Variants in CNTNAP2 observed in about 807,000 individuals in gnomAD.
The protein encoded by CNTNAP2 is contactin-associated protein-like 2.
CNTNAP2 carries 98 observed loss-of-function variants against 155.2 expected under a neutral mutation model. That is an observed-to-expected ratio of 0.63 (90% confidence interval 0.54 to 0.75). The LOEUF (loss-of-function observed/expected upper bound fraction) is 0.75. CNTNAP2 is among the 30% of genes least tolerant of loss of function. CNTNAP2 has a pLI of 0.00. For missense variants in CNTNAP2, 1,727 were observed against 1,688.1 expected (o/e 1.02, Z -0.40); for synonymous variants, 651 against 631.2 (o/e 1.03, Z -0.47).
At chr7:146,486,401 C>A (rs1457976021) in intron 1 of CNTNAP2, among the ~76,000 whole-genome samples, 1 of 152,060 alleles carries the variant, frequency 6.6e-6, no homozygotes, top group African/African-American at 2.4e-5. Flanking sequence ...ATCTGCTTTG[C>A]TCTAAGAAAT....
intron 4 of CNTNAP2, among the ~76,000 whole-genome samples, chr7:147,070,167 T>C (rs1799862810): frequency 6.6e-6 from 1 of 152,240 alleles, no homozygotes; most frequent in Admixed American, 6.5e-5. Flanking sequence ...CAATTTTATG[T>C]GCTTTGTTTT....
intron 3 of CNTNAP2, among the ~76,000 whole-genome samples, chr7:146,874,621 G>A (rs1795383526): frequency 1.3e-5 from 2 of 152,154 alleles, no homozygotes; most frequent in Admixed American, 1.3e-4. Flanking sequence ...TTACAGGCGT[G>A]AGCCACCACA....
rs111863035 is a variant in CNTNAP2, at chr7:146,657,746, C to A, written c.98-116525C>A. ...GCAGGGACTTCCATGAACCATATAT[C>A]CATTGTAGCAATGATCTTCATTGTC... On this transcript the variant is annotated intron_variant, in intron 1 of 23. Coordinates refer to ENST00000361727, the MANE Select transcript of CNTNAP2 (RefSeq NM_014141.6). 4.3e-3 allele frequency among the ~76,000 whole-genome samples: 661 copies of A among 152,154 alleles called. 4 individuals are homozygous for A. The highest frequency in any genetic ancestry group is 0.015 in the African/African-American group (617 of 41,520).
At chr7:146,364,147 T>A (rs2129101400) in intron 1 of CNTNAP2, among the ~76,000 whole-genome samples, 1 of 152,338 alleles carries the variant, frequency 6.6e-6, no homozygotes, top group East Asian at 1.9e-4. Flanking sequence ...AAATTTTAAA[T>A]CATTATTATT....
chr7:148,278,506 C>T (rs1272971894), intron 21 of CNTNAP2, among the ~76,000 whole-genome samples: 1 of 142,622 alleles, frequency 7.0e-6, no homozygotes, highest in African/African-American at 2.6e-5. Context: ...GGAGGTGGAG[C>T]TTGCAGTAAG....
At chr7:148,310,630 A>AT (rs1797579445) in intron 21 of CNTNAP2, among the ~76,000 whole-genome samples, 1 of 152,162 alleles carries the variant, frequency 6.6e-6, no homozygotes, top group Admixed American at 6.5e-5. Flanking sequence ...TGCAAATTGA[A>AT]TTTTGGGGGT....
In CNTNAP2 at chr7:147,949,071, G is replaced by A. The variant is rs557472073; in HGVS notation, c.2256-28791G>A. Among the ~76,000 whole-genome samples the A allele has an allele frequency of 1.2e-3, 175 of 151,634 alleles. 1 individual carries two copies. The highest frequency in any genetic ancestry group is 1.4e-3 in the Non-Finnish European group (95 of 67,872). On this transcript the variant is annotated intron_variant, in intron 14 of 23. Transcript: ENST00000361727. ...ACAAAATTAGCTGGGTGTGGTGGTG[G>A]ATGCCTGTAATCCCAGCTACTCAGG...
At chr7:147,934,396 G>C (rs1345510734) in intron 14 of CNTNAP2, among the ~76,000 whole-genome samples, 3 of 152,046 alleles carry the variant, frequency 2.0e-5, no homozygotes, top group Non-Finnish European at 4.4e-5. Context: ...CTTGTGCAGG[G>C]GAACTCCTCC....
intron 12 of CNTNAP2, among the ~76,000 whole-genome samples, chr7:147,564,992 A>T (rs10269376): frequency 0.45 from 68,083 of 152,062 alleles, 15,452 homozygotes; most frequent in East Asian, 0.61. Flanking sequence ...TTAACATCAT[A>T]AAGAGAGCAT....
intron 1 of CNTNAP2, among the ~76,000 whole-genome samples, chr7:146,306,787 C>A (rs994421359): frequency 6.6e-6 from 1 of 152,212 alleles, no homozygotes; most frequent in Non-Finnish European, 1.5e-5. Context: ...AACATCCCTT[C>A]ATGCTAAAAG....
Position 147,285,946 on chromosome 7 carries a change from C to T in CNTNAP2, c.1349-14195C>T, listed in dbSNP as rs115187070. On this transcript the variant is annotated intron_variant, in intron 8 of 23. Coordinates refer to ENST00000361727, the MANE Select transcript of CNTNAP2 (RefSeq NM_014141.6). ...TCCCCATTTATTTTTATTTATTCTT[C>T]CAAAGCTATGTAACTCTGATTTGTA... 8.9e-3 allele frequency among the ~76,000 whole-genome samples: 1,359 copies of T among 152,120 alleles called. 19 individuals are homozygous for T. Among genetic ancestry groups the T allele is most frequent in the African/African-American group, 0.031 (1,276 of 41,530 alleles).
intron 13 of CNTNAP2, among the ~76,000 whole-genome samples, chr7:147,825,659 T>C (rs994442212): frequency 3.3e-5 from 5 of 152,162 alleles, no homozygotes; most frequent in African/African-American, 1.2e-4. Context: ...GGATAATATC[T>C]TTCACAAAAT....
intron 13 of CNTNAP2, among the ~76,000 whole-genome samples, chr7:147,797,889 G>A (rs1797924493): frequency 6.6e-6 from 1 of 152,098 alleles, no homozygotes; most frequent in East Asian, 1.9e-4. Flanking sequence ...AACATAAACT[G>A]AAGAATATGG....
intron 1 of CNTNAP2, among the ~76,000 whole-genome samples, chr7:146,299,375 A>T (rs1028822913): frequency 6.6e-6 from 1 of 152,156 alleles, no homozygotes; most frequent in Non-Finnish European, 1.5e-5. Flanking sequence ...ATTATAAAGC[A>T]GAAAAAAGTC....
At chr7:148,355,655 C>T (rs62470646) in intron 21 of CNTNAP2, among the ~76,000 whole-genome samples, 1 of 152,156 alleles carries the variant, frequency 6.6e-6, no homozygotes, top group Non-Finnish European at 1.5e-5. Flanking sequence ...CAGTACGCAG[C>T]GGCTGACACG....
At chr7:146,855,685 A>G (rs540027758) in intron 3 of CNTNAP2, among the ~76,000 whole-genome samples, 117 of 151,716 alleles carry the variant, frequency 7.7e-4, no homozygotes, top group African/African-American at 2.6e-3. Context: ...AATTGAGCAA[A>G]TGAGTGATAT....
chr7:147,672,960 A>G (rs917147243), intron 13 of CNTNAP2: 2 of 152,176 alleles, frequency 1.3e-5, no homozygotes, highest in Non-Finnish European at 2.9e-5. Flanking sequence ...TTTCAGATGT[A>G]TGTTCTATAC....
At chr7:148,300,576 GAAAA>G (rs71188963) in intron 21 of CNTNAP2, among the ~76,000 whole-genome samples, 6 of 126,574 alleles carry the variant, frequency 4.7e-5, no homozygotes, top group African/African-American at 1.5e-4. Context: ...GGCTAAGCAG[GAAAA>G]AAAAAAAAAA....
intron 1 of CNTNAP2, among the ~76,000 whole-genome samples, chr7:146,677,035 G>T (rs1800411751): frequency 6.6e-6 from 1 of 152,194 alleles, no homozygotes; most frequent in Non-Finnish European, 1.5e-5. Flanking sequence ...ACCTCAGGAG[G>T]TCCTGAGAAC....
Sources: allele counts gnomAD v4.1 joint callset (sites outside exome capture counted in the v4.1 genomes callset), GRCh38; gene constraint gnomAD v4.1.1; transcripts MANE v1.5; gene names NCBI Gene and HGNC (gene_info 2026-07-23, HGNC 2026-07-21).